STX8: variants seen among roughly 807,000 people sequenced by gnomAD.
The protein encoded by STX8 is syntaxin 8.
Under a neutral mutation model 37.5 loss-of-function variants are expected in STX8, and 23 were observed. The observed-to-expected ratio is 0.61, with a 90% CI of 0.44 to 0.87. The LOEUF is 0.87. Ranked by LOEUF, STX8 falls within the 40% of genes least tolerant of loss-of-function variation. STX8 has a pLI of 0.00. For synonymous variants in STX8, 115 were observed against 99.1 expected (o/e 1.16, Z -0.95); for missense variants, 313 against 284.7 (o/e 1.10, Z -0.71).
intron 7 of STX8, among the ~76,000 whole-genome samples, chr17:9,338,631 T>C (rs1415991087): frequency 1.3e-5 from 2 of 152,196 alleles, no homozygotes; most frequent in Non-Finnish European, 2.9e-5. Flanking sequence ...TACTCTCTTC[T>C]ACTGATACAG....
chr17:9,340,992 A>G (rs984708787), intron 7 of STX8, among the ~76,000 whole-genome samples: 10 of 146,554 alleles, frequency 6.8e-5, no homozygotes, highest in African/African-American at 2.5e-4. Flanking sequence ...TAAATTATAA[A>G]TTATAAATTA....
chr17:9,350,256 C>T (rs1313748755), intron 7 of STX8, among the ~76,000 whole-genome samples: 1 of 152,190 alleles, frequency 6.6e-6, no homozygotes, highest in African/African-American at 2.4e-5. Flanking sequence ...GGTGGGATGG[C>T]GTGAGATTTC....
intron 6 of STX8, among the ~76,000 whole-genome samples, chr17:9,480,476 G>A (rs1353731810): frequency 1.3e-5 from 2 of 152,200 alleles, no homozygotes; most frequent in African/African-American, 4.8e-5. Context: ...CAGCAGAAAG[G>A]TGAGTTGCTG....
chr17:9,415,686 G>A (rs190411155), intron 6 of STX8, among the ~76,000 whole-genome samples: 1,960 of 152,222 alleles, frequency 0.013, 18 homozygotes, highest in Non-Finnish European at 0.021. Flanking sequence ...AGAGAATGGC[G>A]TGAACCCGGT....
intron 6 of STX8, among the ~76,000 whole-genome samples, chr17:9,383,228 A>G (rs1911879672): frequency 6.6e-6 from 1 of 152,234 alleles, no homozygotes; most frequent in Non-Finnish European, 1.5e-5. Context: ...TTAATATAGC[A>G]GCTTGAATAG....
At chr17:9,420,718 C>T (rs1030089991) in intron 6 of STX8, among the ~76,000 whole-genome samples, 7 of 152,280 alleles carry the variant, frequency 4.6e-5, no homozygotes, top group East Asian at 1.9e-4. Context: ...GAGCTTGAGG[C>T]GCGATTATTA....
intron 6 of STX8, among the ~76,000 whole-genome samples, chr17:9,468,126 T>A (rs930221766): frequency 1.3e-5 from 2 of 152,212 alleles, no homozygotes; most frequent in Non-Finnish European, 2.9e-5. Flanking sequence ...TGGTTTTTTT[T>A]GAGATGGAGT....
rs996843737 is a variant in STX8, at chr17:9,532,211, G to A, written c.323+12961C>T. 4.0e-4 allele frequency among the ~76,000 whole-genome samples: 61 copies of A among 151,570 alleles called. 1 individual carries two copies. Among genetic ancestry groups the A allele is most frequent in the Admixed American group, 3.0e-3 (45 of 15,228 alleles). On this transcript the variant is annotated intron_variant, in intron 4 of 7. Transcript: ENST00000306357. Reference sequence around the variant, plus strand: ...AGTAGCTACAGAGATCTCTTCTGGCGATAATCAGTCTTGTGAGAACATACA... The same window carrying A: ...AGTAGCTACAGAGATCTCTTCTGGCAATAATCAGTCTTGTGAGAACATACA...
At chr17:9,291,640 C>A (rs1908315562) in intron 7 of STX8, among the ~76,000 whole-genome samples, 1 of 152,084 alleles carries the variant, frequency 6.6e-6, no homozygotes, top group Non-Finnish European at 1.5e-5. Flanking sequence ...ATTTTCTATT[C>A]TTTAACAGCT....
At chr17:9,339,515 G>A (rs553103074) in intron 7 of STX8, among the ~76,000 whole-genome samples, 3 of 152,244 alleles carry the variant, frequency 2.0e-5, no homozygotes, top group African/African-American at 4.8e-5. Context: ...TTAGCCAGGC[G>A]TCATGGCAGG....
intron 5 of STX8, among the ~76,000 whole-genome samples, chr17:9,493,003 CAGG>C: frequency 6.6e-6 from 1 of 151,452 alleles, no homozygotes; most frequent in South Asian, 2.1e-4. Context: ...GAGGCTGAGG[CAGG>C]AGAATGGTGT....
intron 2 of STX8, among the ~76,000 whole-genome samples, chr17:9,558,107 A>C (rs982323494): frequency 2.6e-5 from 4 of 152,158 alleles, no homozygotes; most frequent in Non-Finnish European, 5.9e-5. Flanking sequence ...ATTTTCTCCA[A>C]TCATCCTACA....
chr17:9,557,574 G>T, intron 2 of STX8, 46 bp from the exon 3 acceptor site: 2 of 1,549,884 alleles, frequency 1.3e-6, no homozygotes, highest in South Asian at 2.2e-5. Context: ...CCAGAATGTA[G>T]AATCCACAAA....
At chr17:9,338,048 ATT>A (rs972471091) in intron 7 of STX8, among the ~76,000 whole-genome samples, 36 of 107,858 alleles carry the variant, frequency 3.3e-4, no homozygotes, top group Admixed American at 4.8e-4. Context: ...CCTCTGAAGG[ATT>A]TTTTTTTTTT....
At chr17:9,288,880 A>G (rs1390537395) in intron 7 of STX8, among the ~76,000 whole-genome samples, 2 of 152,168 alleles carry the variant, frequency 1.3e-5, no homozygotes, top group Non-Finnish European at 2.9e-5. Context: ...GTAATCATGA[A>G]AGCTATAAGA....
At chr17:9,492,063 A>C (rs1403909916) in intron 5 of STX8, 142 bp from the exon 6 acceptor site, 3 of 558,342 alleles carry the variant, frequency 5.4e-6, no homozygotes, top group Non-Finnish European at 9.0e-6. Flanking sequence ...TATTGGAACA[A>C]AATTTAAAAA....
intron 6 of STX8, among the ~76,000 whole-genome samples, chr17:9,399,550 T>C (rs1386768199): frequency 6.6e-6 from 1 of 152,130 alleles, no homozygotes; most frequent in Non-Finnish European, 1.5e-5. Context: ...CTGTTTGTCC[T>C]GTTTTGTTTT....
chr17:9,398,407 C>T (rs1274061232), intron 6 of STX8, among the ~76,000 whole-genome samples: 1 of 152,126 alleles, frequency 6.6e-6, no homozygotes, highest in Non-Finnish European at 1.5e-5. Flanking sequence ...CTGAGCATTA[C>T]CCCCACAAAA....
intron 6 of STX8, among the ~76,000 whole-genome samples, chr17:9,410,776 T>C (rs928103146): frequency 1.3e-5 from 2 of 152,238 alleles, no homozygotes; most frequent in African/African-American, 4.8e-5. Context: ...AAACTCCATG[T>C]ATTAACTTCA....
Sources: allele counts gnomAD v4.1 joint callset (sites outside exome capture counted in the v4.1 genomes callset), GRCh38; gene constraint gnomAD v4.1.1; transcripts MANE v1.5; gene names NCBI Gene and HGNC (gene_info 2026-07-23, HGNC 2026-07-21).